EDIL3: variants seen among roughly 807,000 people sequenced by gnomAD.
EDIL3 encodes EGF-like repeat and discoidin I-like domain-containing protein 3.
Under a neutral mutation model 67.4 loss-of-function variants are expected in EDIL3, and 37 were observed. The observed-to-expected ratio is 0.55, with a 90% CI of 0.42 to 0.72. The LOEUF (loss-of-function observed/expected upper bound fraction) is 0.72, where lower values mean the gene tolerates loss of function less well. Among genes scored for constraint, EDIL3 ranks in the 30% least tolerant of loss-of-function variants. EDIL3 has a pLI of 0.00. For missense variants in EDIL3, 527 were observed against 586.3 expected (o/e 0.90, Z 1.04); for synonymous variants, 195 against 196.3 (o/e 0.99, Z 0.05).
chr5:83,966,079 T>C (rs1744685635), intron 9 of EDIL3, among the ~76,000 whole-genome samples: 1 of 152,104 alleles, frequency 6.6e-6, no homozygotes, highest in African/African-American at 2.4e-5. Flanking sequence ...GACCCTGGTC[T>C]AGGACCGCTC....
chr5:83,992,096 A>G lies in EDIL3; in HGVS notation c.1138-28736T>C, dbSNP rs530370452. Among the ~76,000 whole-genome samples, 4 of 152,254 alleles carry G rather than the reference A, an allele frequency of 2.6e-5. 1 individual carries two copies. The South Asian group carries it at 8.3e-4, about 32-fold the overall frequency. On this transcript the variant is annotated intron_variant, in intron 9 of 10. Transcript: ENST00000296591. ...TGGCCCATTTTTGTAAACATACATCATCTTCCAGTGATTCAATCATGCAAG... is the reference window on the plus strand; with the variant it reads ...TGGCCCATTTTTGTAAACATACATCGTCTTCCAGTGATTCAATCATGCAAG...
At chr5:84,102,555 C>T (rs951277447) in intron 6 of EDIL3, among the ~76,000 whole-genome samples, 23 of 151,448 alleles carry the variant, frequency 1.5e-4, no homozygotes, top group African/African-American at 5.1e-4. Flanking sequence ...ATATAGCAAC[C>T]ACAGTCAAGC....
chr5:84,239,865 C>G (rs1028564345), intron 2 of EDIL3, among the ~76,000 whole-genome samples: 2 of 152,070 alleles, frequency 1.3e-5, no homozygotes, highest in African/African-American at 4.8e-5. Flanking sequence ...GACAGGAAAA[C>G]CAAACATTTG....
At chr5:84,321,819 T>C (rs1746655070) in intron 1 of EDIL3, among the ~76,000 whole-genome samples, 1 of 152,124 alleles carries the variant, frequency 6.6e-6, no homozygotes, top group African/African-American at 2.4e-5. Context: ...TTTCAGAATA[T>C]TTAAAGGACC....
At chr5:84,270,723 T>C (rs556755551) in intron 1 of EDIL3, among the ~76,000 whole-genome samples, 5 of 152,348 alleles carry the variant, frequency 3.3e-5, no homozygotes, top group African/African-American at 1.2e-4. Flanking sequence ...CCATGAATGC[T>C]ACTATTGTCA....
intron 9 of EDIL3, among the ~76,000 whole-genome samples, chr5:83,981,032 G>A (rs945457500): frequency 2.0e-5 from 3 of 152,002 alleles, no homozygotes; most frequent in Admixed American, 1.3e-4. Context: ...GTTATGGATC[G>A]GAAGACTTAG....
At chr5:84,361,678 G>A (rs1302422675) in intron 1 of EDIL3, among the ~76,000 whole-genome samples, 1 of 151,260 alleles carries the variant, frequency 6.6e-6, no homozygotes, top group Admixed American at 6.6e-5. Context: ...CTATTATCTA[G>A]TGTGTTATAA....
chr5:84,073,675 C>A (rs1404927473), intron 6 of EDIL3, among the ~76,000 whole-genome samples: 6 of 151,320 alleles, frequency 4.0e-5, no homozygotes, highest in African/African-American at 1.5e-4. Context: ...GAACTACAAA[C>A]CACTGCTCAA....
In EDIL3 at chr5:83,963,267, C is replaced by T. The variant is rs1414666869; in HGVS notation, c.1231G>A (p.Ala411Thr). ...CAGTGTTCTCCATCATTGCTGTAAG[C>T]CAGTTTGTAGGAGCCAACAAACTGT... ...HVQFVGSYKLAYSNDGEHWTV... is the reference protein window; with the variant it reads ...HVQFVGSYKLTYSNDGEHWTV... The change falls in exon 10 of 11, where the codon GCT becomes ACT. Residue 411 changes from alanine to threonine, a missense_variant. By Grantham distance (58) the Ala-to-Thr change is moderately conservative. Around this residue, in one of 2 missense-constraint regions of EDIL3, gnomAD observed 494 missense variants for 522.5 expected, o/e 0.95. Transcript: ENST00000296591. The T allele has an allele frequency of 1.2e-6, 2 of 1,610,114 alleles. No homozygotes were observed. The highest frequency in any genetic ancestry group is 8.5e-7 in the Non-Finnish European group (1 of 1,177,606).
chr5:84,005,890 C>T (rs1327182926), intron 9 of EDIL3, among the ~76,000 whole-genome samples: 1 of 151,822 alleles, frequency 6.6e-6, no homozygotes, highest in Non-Finnish European at 1.5e-5. Context: ...TATCTCTCCT[C>T]GCAGATGATA....
intron 9 of EDIL3, among the ~76,000 whole-genome samples, chr5:84,011,503 C>T (rs1478707167): frequency 6.6e-6 from 1 of 152,130 alleles, no homozygotes; most frequent in Non-Finnish European, 1.5e-5. Flanking sequence ...ACAGTCAATT[C>T]TCTTCATATA....
intron 1 of EDIL3, among the ~76,000 whole-genome samples, chr5:84,376,659 T>TGAC (rs1391489491): frequency 6.6e-6 from 1 of 152,216 alleles, no homozygotes; most frequent in Non-Finnish European, 1.5e-5. Flanking sequence ...GAAACTACTT[T>TGAC]GACCTATTTT....
chr5:84,165,910 C>G (rs1748695369), intron 4 of EDIL3, among the ~76,000 whole-genome samples: 1 of 152,144 alleles, frequency 6.6e-6, no homozygotes, highest in Admixed American at 6.6e-5. Flanking sequence ...CTGCATTAAA[C>G]TTCAATTCCA....
intron 9 of EDIL3, among the ~76,000 whole-genome samples, chr5:84,027,385 A>C (rs760780942): frequency 6.6e-6 from 1 of 152,168 alleles, no homozygotes; most frequent in Non-Finnish European, 1.5e-5. Context: ...CAAACACAGC[A>C]GTCTTCAAAC....
chr5:83,995,291 C>T (rs1482330460), intron 9 of EDIL3, among the ~76,000 whole-genome samples: 2 of 151,952 alleles, frequency 1.3e-5, no homozygotes, highest in African/African-American at 2.4e-5. Flanking sequence ...AGGACCCTAG[C>T]GGAGATTCAT....
chr5:84,314,371 C>T (rs1024692239), intron 1 of EDIL3, among the ~76,000 whole-genome samples: 3 of 152,198 alleles, frequency 2.0e-5, no homozygotes, highest in Non-Finnish European at 4.4e-5. Flanking sequence ...TAGGTCTTTA[C>T]AGTGTCAGAA....
intron 1 of EDIL3, among the ~76,000 whole-genome samples, chr5:84,287,709 C>T (rs1745835702): frequency 6.6e-6 from 1 of 152,122 alleles, no homozygotes; most frequent in Non-Finnish European, 1.5e-5. Flanking sequence ...TAGTCATCTT[C>T]TTACTTGACC....
rs376973984 is a variant in EDIL3 at position 84,015,695 on chromosome 5, G to A, written c.1137+44605C>T. 1.5e-3 allele frequency among the ~76,000 whole-genome samples: 227 copies of A among 152,100 alleles called. 1 individual carries two copies. The highest frequency in any genetic ancestry group is 5.2e-3 in the African/African-American group (216 of 41,492). On this transcript the variant is annotated intron_variant, in intron 9 of 10. Transcript: ENST00000296591. ...AGAGTGTGTTTAAATAACTCTGTCCGTTATTTAAACAGAGTGAGAAAAATA... is the reference window on the plus strand; with the variant it reads ...AGAGTGTGTTTAAATAACTCTGTCCATTATTTAAACAGAGTGAGAAAAATA...
At chr5:84,367,241 A>T (rs1228560640) in intron 1 of EDIL3, among the ~76,000 whole-genome samples, 1 of 152,110 alleles carries the variant, frequency 6.6e-6, no homozygotes. Flanking sequence ...AAACACAAGC[A>T]TATTTTATAA....
Sources: allele counts gnomAD v4.1 joint callset (sites outside exome capture counted in the v4.1 genomes callset), GRCh38; gene constraint gnomAD v4.1.1; regional missense constraint gnomAD v4.1.1; transcripts MANE v1.5; gene names NCBI Gene and HGNC (gene_info 2026-07-23, HGNC 2026-07-21).